BABAM2: variants seen among roughly 807,000 people sequenced by gnomAD.
The protein encoded by BABAM2 is BRISC and BRCA1-A complex member 2.
BABAM2 carries 31 observed loss-of-function variants against 54.7 expected under a neutral mutation model. The ratio of observed to expected loss-of-function variants is 0.57; its 90% CI spans 0.43 to 0.77. The LOEUF (loss-of-function observed/expected upper bound fraction) is 0.77, where lower values mean the gene tolerates loss of function less well. Ranked by LOEUF, BABAM2 falls within the 30% of genes least tolerant of loss-of-function variation. BABAM2 has a pLI of 0.00. For synonymous variants in BABAM2, 167 were observed against 162.9 expected (o/e 1.03, Z -0.19); for missense variants, 364 against 455.8 (o/e 0.80, Z 1.83).
At chr2:28,324,590 A>G (rs577857876) in intron 11 of BABAM2, among the ~76,000 whole-genome samples, 1 of 151,380 alleles carries the variant, frequency 6.6e-6, no homozygotes, top group African/African-American at 2.4e-5. Context: ...CCTGGGCAAC[A>G]TAGTGAGACC....
chr2:28,314,299 A>C (rs900493468), intron 11 of BABAM2, among the ~76,000 whole-genome samples: 1 of 152,228 alleles, frequency 6.6e-6, no homozygotes, highest in African/African-American at 2.4e-5. Context: ...GAGACCCTGC[A>C]AAAGGAAGGG....
intron 7 of BABAM2, among the ~76,000 whole-genome samples, chr2:28,143,409 A>G (rs1671230859): frequency 6.6e-6 from 1 of 152,152 alleles, no homozygotes; most frequent in African/African-American, 2.4e-5. Flanking sequence ...TGTAGGATGA[A>G]TAAATCTAGA....
At chr2:27,949,512 C>T (rs1013297160) in intron 3 of BABAM2, among the ~76,000 whole-genome samples, 7 of 148,494 alleles carry the variant, frequency 4.7e-5, no homozygotes, top group East Asian at 2.0e-4. Context: ...CCAACCTGGG[C>T]GACAGAGTGA....
intron 3 of BABAM2, among the ~76,000 whole-genome samples, chr2:27,960,591 T>C (rs1300389454): frequency 1.3e-5 from 2 of 152,176 alleles, no homozygotes; most frequent in African/African-American, 4.8e-5. Context: ...TAGAAAGAAA[T>C]ATTTACAGTC....
chr2:28,156,997 A>G (rs1672602568), intron 7 of BABAM2, among the ~76,000 whole-genome samples: 1 of 152,220 alleles, frequency 6.6e-6, no homozygotes, highest in African/African-American at 2.4e-5. Flanking sequence ...TTAGAAAACA[A>G]ATGTATTGGT....
intron 3 of BABAM2, among the ~76,000 whole-genome samples, chr2:27,940,425 A>G (rs1668787794): frequency 6.6e-6 from 1 of 152,196 alleles, no homozygotes; most frequent in Admixed American, 6.5e-5. Context: ...AGTATCTGGC[A>G]TTTAGAGAGG....
At chr2:28,217,028 A>G (rs1380847381) in intron 7 of BABAM2, among the ~76,000 whole-genome samples, 1 of 152,198 alleles carries the variant, frequency 6.6e-6, no homozygotes, top group African/African-American at 2.4e-5. Flanking sequence ...TTATTTCCAC[A>G]GAGAGGCTTT....
At chr2:28,128,846 T>C (rs1669792972) in intron 6 of BABAM2, among the ~76,000 whole-genome samples, 1 of 151,984 alleles carries the variant, frequency 6.6e-6, no homozygotes, top group African/African-American at 2.4e-5. Flanking sequence ...ATTTTTGCTA[T>C]TTAAATAGCT....
intron 7 of BABAM2, among the ~76,000 whole-genome samples, chr2:28,152,066 GAATA>G (rs758823514): frequency 6.6e-6 from 1 of 152,150 alleles, no homozygotes; most frequent in African/African-American, 2.4e-5. Context: ...GAATATGTAA[GAATA>G]AACTCAGGTG....
intron 2 of BABAM2, among the ~76,000 whole-genome samples, chr2:27,895,295 T>A (rs904195922): frequency 6.6e-6 from 1 of 152,232 alleles, no homozygotes; most frequent in Admixed American, 6.5e-5. Context: ...GCCTTTTTTG[T>A]TCCAGGATCC....
Position 28,284,070 on chromosome 2 carries a change from G to A in BABAM2, c.935-14268G>A, listed in dbSNP as rs190312734. Among the ~76,000 whole-genome samples the A allele has an allele frequency of 2.6e-3, 401 of 152,206 alleles. 2 individuals are homozygous for A. The highest frequency in any genetic ancestry group is 5.8e-3 in the Admixed American group (88 of 15,282). ...GTCAGGCAACTCACTCAAGTCAAGG[G>A]CTTGCCTCAACATGATCACCTTATG... On this transcript the variant is annotated intron_variant, in intron 10 of 11. Coordinates refer to ENST00000379624, the MANE Select transcript of BABAM2 (RefSeq NM_199191.3).
At chr2:28,186,005 C>T (rs186543618) in intron 7 of BABAM2, among the ~76,000 whole-genome samples, 3 of 152,268 alleles carry the variant, frequency 2.0e-5, no homozygotes, top group Admixed American at 2.0e-4. Flanking sequence ...ACTTGTAAAG[C>T]ACCAAAGTAG....
intron 7 of BABAM2, among the ~76,000 whole-genome samples, chr2:28,177,708 A>G (rs10207147): frequency 0.35 from 35,779 of 102,336 alleles, 4,291 homozygotes; most frequent in South Asian, 0.47. Context: ...TGAATGGACA[A>G]AAAAAAAAAA....
At chr2:28,335,174 TTTTTTTTG>T (rs1691326536) in intron 11 of BABAM2, among the ~76,000 whole-genome samples, 1 of 141,814 alleles carries the variant, frequency 7.1e-6, no homozygotes, top group Non-Finnish European at 1.5e-5. Context: ...TTTTTTTTTT[TTTTTTTTG>T]AGACAGAGTC....
At chr2:28,049,790 A>G (rs1677867432) in intron 6 of BABAM2, among the ~76,000 whole-genome samples, 1 of 152,232 alleles carries the variant, frequency 6.6e-6, no homozygotes, top group Non-Finnish European at 1.5e-5. Flanking sequence ...AGCCTAGGAT[A>G]GGCAGAGAGT....
intron 6 of BABAM2, among the ~76,000 whole-genome samples, chr2:28,111,035 C>T (rs184035141): frequency 3.9e-4 from 57 of 147,238 alleles, no homozygotes; most frequent in African/African-American, 1.4e-3. Context: ...GTGGGGCAAT[C>T]TCGGCTCACT....
At chr2:28,308,384 C>A in intron 11 of BABAM2, 1 of 501,838 alleles carries the variant, frequency 2.0e-6, no homozygotes, top group Non-Finnish European at 3.9e-6. Flanking sequence ...ACCAATAATT[C>A]ATCATCAGGT....
At chr2:28,190,076 A>C (rs1228913377) in intron 7 of BABAM2, among the ~76,000 whole-genome samples, 8 of 152,242 alleles carry the variant, frequency 5.3e-5, no homozygotes. Flanking sequence ...ATGCTGGAAC[A>C]ACTGGATAGC....
chr2:28,252,370 C>G (rs1337559171), intron 10 of BABAM2, among the ~76,000 whole-genome samples: 1 of 152,126 alleles, frequency 6.6e-6, no homozygotes, highest in Non-Finnish European at 1.5e-5. Context: ...CCTTTAGATA[C>G]TTTTACATTT....
Sources: gnomAD v4.1 joint callset for allele counts (sites outside exome capture counted in the v4.1 genomes callset) on GRCh38, gnomAD v4.1.1 for gene constraint, MANE v1.5 for transcripts, NCBI Gene and HGNC (gene_info 2026-07-23, HGNC 2026-07-21) for gene names.